The following SOX5 variants were observed in gnomAD, a reference collection of about 807,000 sequenced individuals.
SOX5 encodes the protein SRY-box transcription factor 5.
Under a neutral mutation model 92.0 loss-of-function variants are expected in SOX5, and 9 were observed. That is an observed-to-expected ratio of 0.10 (90% CI 0.06 to 0.17). SOX5 has a LOEUF of 0.17. Ranked by LOEUF, SOX5 falls within the 10% of genes least tolerant of loss-of-function variation. SOX5 has a pLI of 1.00. For synonymous variants in SOX5, 344 were observed against 336.3 expected (o/e 1.02, Z -0.25); for missense variants, 642 against 944.5 (o/e 0.68, Z 4.20).
At chr12:23,593,963 A>G (rs150571777) in intron 9 of SOX5, among the ~76,000 whole-genome samples, 37 of 152,294 alleles carry the variant, frequency 2.4e-4, no homozygotes, top group Admixed American at 1.2e-3. Flanking sequence ...TTGTTTATCT[A>G]CTTAAAAGGC....
intron 7 of SOX5, among the ~76,000 whole-genome samples, chr12:23,664,295 C>A (rs2083467647): frequency 6.7e-6 from 1 of 149,492 alleles, no homozygotes; most frequent in Non-Finnish European, 1.5e-5. Flanking sequence ...TAAAGCATAA[C>A]AAGATGTTAA....
intron 6 of SOX5, among the ~76,000 whole-genome samples, chr12:23,686,288 T>C (rs953183210): frequency 6.6e-6 from 1 of 152,234 alleles, no homozygotes; most frequent in African/African-American, 2.4e-5. Context: ...CCTGGTTAAT[T>C]TGGCTGAGGG....
intron 3 of SOX5, among the ~76,000 whole-genome samples, chr12:23,796,778 T>G (rs1413868558): frequency 1.3e-5 from 2 of 151,196 alleles, no homozygotes; most frequent in Admixed American, 6.6e-5. Context: ...TATAGTGTAT[T>G]TACTCATTCT....
intron 1 of SOX5, among the ~76,000 whole-genome samples, chr12:24,501,585 G>A (rs1948209896): frequency 6.6e-6 from 1 of 152,088 alleles, no homozygotes; most frequent in African/African-American, 2.4e-5. Context: ...CAACACTTTG[G>A]GAGGCTGAGG....
At chr12:24,340,850 T>A (rs1412271258) in intron 2 of SOX5, among the ~76,000 whole-genome samples, 2 of 152,176 alleles carry the variant, frequency 1.3e-5, no homozygotes, top group Non-Finnish European at 2.9e-5. Flanking sequence ...CTGAAGGATT[T>A]TTTGTTGTTG....
intron 4 of SOX5, among the ~76,000 whole-genome samples, chr12:24,154,339 G>C (rs1477563372): frequency 6.6e-6 from 1 of 152,134 alleles, no homozygotes; most frequent in Non-Finnish European, 1.5e-5. Context: ...GCCCATTACT[G>C]ACTATTATGA....
At chr12:23,668,465 A>G (rs2084213439) in intron 6 of SOX5, among the ~76,000 whole-genome samples, 1 of 152,190 alleles carries the variant, frequency 6.6e-6, no homozygotes, top group Admixed American at 6.6e-5. Context: ...AATTTAGCCA[A>G]CATTTGGGAG....
intron 3 of SOX5, among the ~76,000 whole-genome samples, chr12:23,792,907 T>G (rs141626363): frequency 6.6e-6 from 1 of 152,152 alleles, no homozygotes; most frequent in Non-Finnish European, 1.5e-5. Flanking sequence ...CTTCCTTCTG[T>G]TCTCTGTCAC....
chr12:24,407,609 A>T (rs1963253384), intron 1 of SOX5: 1 of 152,226 alleles, frequency 6.6e-6, no homozygotes, highest in Non-Finnish European at 1.5e-5. Flanking sequence ...GCAGATTCAT[A>T]ATGTACGGAG....
intron 3 of SOX5, among the ~76,000 whole-genome samples, chr12:24,262,238 C>G (rs1942224627): frequency 6.6e-6 from 1 of 152,166 alleles, no homozygotes; most frequent in African/African-American, 2.4e-5. Flanking sequence ...GTATGGGACT[C>G]TTTCTTACAG....
rs560598960 is a variant in SOX5 at position 23,757,932 on chromosome 12, T to C, written c.482-2208A>G. On this transcript the variant is annotated intron_variant, in intron 3 of 14. Transcript: ENST00000451604. The stretch of plus-strand genomic sequence containing the variant: ...ACCTGCAGAACATTCCAGGCCTCTT[T>C]ATTAACTAGCATAAAGATATAAGGC... Among the ~76,000 whole-genome samples, 3 of 149,062 alleles carry C rather than the reference T, an allele frequency of 2.0e-5. 1 individual carries two copies. Among genetic ancestry groups the C allele is most frequent in the Non-Finnish European group, 4.4e-5 (3 of 67,662 alleles).
At chr12:23,893,851 A>G (rs2097152554) in intron 2 of SOX5, among the ~76,000 whole-genome samples, 1 of 152,218 alleles carries the variant, frequency 6.6e-6, no homozygotes, top group Admixed American at 6.5e-5. Context: ...AAGTTTCATC[A>G]TTGTACATAA....
Position 23,846,164 on chromosome 12 carries a change from T to C in SOX5, c.300A>G (p.Ser100=). Residue 100 remains serine (S), a synonymous_variant, in exon 3 of 15, where the codon TCA becomes TCG. Coordinates refer to ENST00000451604, the MANE Select transcript of SOX5 (RefSeq NM_006940.6). ...AGGTAGATGAGTTGTGTGGGGCAAA[T>C]GAAGACATAACTTTATTGCCATCAA... is the stretch of plus-strand genomic sequence containing the variant. ...MEVDGNKVMS[S]FAPHNSSTSP... 6.2e-7 allele frequency: 1 copy of C among 1,613,968 alleles called. No individual in the cohort carries two copies. The highest frequency in any genetic ancestry group is 8.5e-7 in the Non-Finnish European group (1 of 1,179,912).
At chr12:23,951,656 A>T (rs77679082), upstream of SOX5, among the ~76,000 whole-genome samples, 220 of 111,108 alleles carry the variant, frequency 2.0e-3, 4 homozygotes, top group South Asian at 0.056. Context: ...ATATATATAC[A>T]CACACACACA....
intron 4 of SOX5, among the ~76,000 whole-genome samples, chr12:24,119,229 TGTATAAAGAATC>T (rs1948382305): frequency 6.6e-6 from 1 of 152,134 alleles, no homozygotes. Flanking sequence ...ATTAATGTTT[TGTATAAAGAATC>T]TAAAATTCCT....
intron 1 of SOX5, among the ~76,000 whole-genome samples, chr12:24,437,812 G>A (rs1408107079): frequency 2.0e-5 from 3 of 152,182 alleles, no homozygotes; most frequent in Admixed American, 1.3e-4. Flanking sequence ...GGAGAAATAG[G>A]AATGCTTTTA....
intron 2 of SOX5, among the ~76,000 whole-genome samples, chr12:23,852,429 A>G (rs1019160474): frequency 2.6e-5 from 4 of 152,182 alleles, no homozygotes; most frequent in Admixed American, 1.3e-4. Flanking sequence ...CCCGTATTTC[A>G]AACATTTCTT....
chr12:23,726,095 A>G (rs2093097519), intron 6 of SOX5, among the ~76,000 whole-genome samples: 1 of 146,706 alleles, frequency 6.8e-6, no homozygotes, highest in Non-Finnish European at 1.5e-5. Context: ...CTGAAGAATA[A>G]TGGTGTTAAA....
chr12:23,670,379 A>G (rs984073463), intron 6 of SOX5, among the ~76,000 whole-genome samples: 2 of 152,206 alleles, frequency 1.3e-5, no homozygotes, highest in African/African-American at 2.4e-5. Context: ...AGAGACATTA[A>G]TAGCAGCTGT....
Sources: gnomAD v4.1 joint callset for allele counts (sites outside exome capture counted in the v4.1 genomes callset) on GRCh38, gnomAD v4.1.1 for gene constraint, MANE v1.5 for transcripts, NCBI Gene and HGNC (gene_info 2026-07-23, HGNC 2026-07-21) for gene names.